The following FAM120B variants were observed in gnomAD, a reference collection of about 807,000 sequenced individuals.
FAM120B encodes constitutive coactivator of peroxisome proliferator-activated receptor gamma.
Under a neutral mutation model 96.3 loss-of-function variants are expected in FAM120B, and 83 were observed. The observed-to-expected ratio is 0.86, with a 90% CI of 0.72 to 1.03. The LOEUF is 1.03. Among genes scored for constraint, FAM120B ranks in the 50% least tolerant of loss-of-function variants. The pLI is 0.00. For missense variants in FAM120B, 1,027 were observed against 1,121.2 expected, an observed-to-expected ratio of 0.92 and a Z score of 1.20; for synonymous variants, 407 against 402.7, an observed-to-expected ratio of 1.01 and a Z score of -0.13.
Position 170,322,943 on chromosome 6 carries a change from T to G in FAM120B, c.1735-136T>G, listed in dbSNP as rs560109864. On this transcript the variant is annotated intron_variant, in intron 2 of 10. Coordinates refer to ENST00000476287, the MANE Select transcript of FAM120B (RefSeq NM_032448.3). ...GGAAAGAGAACATGGCAACTTGATG[T>G]CATGAATTTCAGGGTCAGTTACATT... 3.9e-5 allele frequency: 26 copies of G among 666,772 alleles called. No individual in the cohort carries two copies. In the Admixed American group the frequency reaches 6.6e-4, roughly 17 times the overall value. The allele number at this position is 666,772 out of a possible 1,614,324, so 41.3% of individuals were successfully genotyped here. A position where few individuals can be genotyped will look rare whatever the true frequency, so the allele number is the denominator to read the frequency against.
chr6:170,344,208 C>T (rs1787028465), intron 4 of FAM120B, among the ~76,000 whole-genome samples: 2 of 92,300 alleles, frequency 2.2e-5, no homozygotes, highest in African/African-American at 4.8e-5. Context: ...CCGTTGCCTG[C>T]GGTGCTAGCC....
At chr6:170,380,043 C>T (rs1789813013) in intron 6 of FAM120B, among the ~76,000 whole-genome samples, 1 of 152,196 alleles carries the variant, frequency 6.6e-6, no homozygotes, top group African/African-American at 2.4e-5. Flanking sequence ...GTTCTGCCGT[C>T]TGTTTATATG....
intron 3 of FAM120B, among the ~76,000 whole-genome samples, chr6:170,324,602 T>C (rs1415445813): frequency 1.3e-4 from 20 of 152,242 alleles, no homozygotes. Flanking sequence ...TTCATTAAAC[T>C]ATATAAATTT....
At chr6:170,403,903 G>T (rs1778706082) in intron 9 of FAM120B, among the ~76,000 whole-genome samples, 2 of 152,194 alleles carry the variant, frequency 1.3e-5, no homozygotes, top group Admixed American at 6.5e-5. Context: ...CACACTTTTG[G>T]GGGAGGGGAG....
In FAM120B at chr6:170,370,265, G is replaced by T. The variant is rs1562576064; in HGVS notation, c.2283+11947G>T. 6.6e-6 allele frequency among the ~76,000 whole-genome samples: 1 copy of T among 152,186 alleles called. No homozygotes were observed. The highest frequency in any genetic ancestry group is 1.5e-5 in the Non-Finnish European group (1 of 68,038). On this transcript the variant is annotated intron_variant, in intron 6 of 10. Coordinates refer to ENST00000476287, the MANE Select transcript of FAM120B (RefSeq NM_032448.3). The surrounding 1 kb of genome is among the most constrained non-coding windows in gnomAD (Gnocchi z 4.3). Reference sequence around the variant, plus strand: ...CTAAGTGGCACCTTAGGGGGCCCTTGCTGCCCAGACAGTCCATGCAGACCT... The same window carrying T: ...CTAAGTGGCACCTTAGGGGGCCCTTTCTGCCCAGACAGTCCATGCAGACCT...
intron 6 of FAM120B, among the ~76,000 whole-genome samples, chr6:170,371,282 A>G (rs1360985716): frequency 2.0e-5 from 3 of 152,026 alleles, no homozygotes; most frequent in African/African-American, 7.3e-5. Flanking sequence ...TTCACTGAGC[A>G]CTGTGTTTCC....
chr6:170,324,180 T>C (rs1785457429), intron 3 of FAM120B, among the ~76,000 whole-genome samples: 1 of 152,184 alleles, frequency 6.6e-6, no homozygotes. Context: ...AATCTAAAAG[T>C]GGTGATAGAA....
intron 1 of FAM120B, among the ~76,000 whole-genome samples, chr6:170,309,199 A>G (rs933093559): frequency 1.3e-5 from 2 of 152,236 alleles, no homozygotes; most frequent in Non-Finnish European, 2.9e-5. Context: ...GATAATGAGT[A>G]TAAATAATTG....
intron 6 of FAM120B, among the ~76,000 whole-genome samples, chr6:170,373,236 T>G (rs571509827): frequency 1.4e-3 from 210 of 152,340 alleles, no homozygotes; most frequent in African/African-American, 4.9e-3. Flanking sequence ...TGTCTTTTAT[T>G]CCAGAGCACC....
chr6:170,343,550 A>C (rs1786978015), intron 4 of FAM120B, among the ~76,000 whole-genome samples: 1 of 152,082 alleles, frequency 6.6e-6, no homozygotes, highest in Non-Finnish European at 1.5e-5. Flanking sequence ...GATTTTCTAT[A>C]ATCTATTATA....
intron 1 of FAM120B, among the ~76,000 whole-genome samples, 160 bp downstream of exon 1, chr6:170,307,002 C>G (rs1394582917): frequency 6.6e-6 from 1 of 152,184 alleles, no homozygotes; most frequent in African/African-American, 2.4e-5. Flanking sequence ...ACCGCGGCTG[C>G]GACATCATGG....
At chr6:170,311,235 G>A (rs1014722735) in intron 1 of FAM120B, among the ~76,000 whole-genome samples, 9 of 152,198 alleles carry the variant, frequency 5.9e-5, no homozygotes, top group Non-Finnish European at 1.0e-4. Context: ...GTGACATCTT[G>A]TTTCCCTTTG....
chr6:170,361,222 A>ATACACG (rs1554286438), intron 6 of FAM120B, among the ~76,000 whole-genome samples: 1 of 102,002 alleles, frequency 9.8e-6, no homozygotes, highest in African/African-American at 3.4e-5. Context: ...ATATATATAT[A>ATACACG]TATATATATA....
chr6:170,304,479 G>A (rs1052138033), upstream of FAM120B, among the ~76,000 whole-genome samples: 14 of 151,576 alleles, frequency 9.2e-5, no homozygotes, highest in Admixed American at 2.0e-4. Context: ...TTCTAGACCT[G>A]GGAAGATTTT....
chr6:170,293,573 T>C (rs576188419), upstream of FAM120B, among the ~76,000 whole-genome samples: 3 of 152,254 alleles, frequency 2.0e-5, no homozygotes, highest in Admixed American at 1.3e-4. Context: ...TTCATTCTTT[T>C]CCAACTTAAT....
intron 6 of FAM120B, among the ~76,000 whole-genome samples, chr6:170,373,224 C>CT (rs1414808563): frequency 6.6e-6 from 1 of 152,166 alleles, no homozygotes. Context: ...CTCAGCTTTC[C>CT]TTGTCTTTTA....
chr6:170,321,186 C>CATT (rs1785264145), intron 2 of FAM120B, among the ~76,000 whole-genome samples: 1 of 152,186 alleles, frequency 6.6e-6, no homozygotes, highest in Admixed American at 6.5e-5. Context: ...ATTGCCCTTA[C>CATT]ATTTTCTCTA....
intron 6 of FAM120B, among the ~76,000 whole-genome samples, chr6:170,361,176 T>A (rs2115195374): frequency 1.1e-5 from 1 of 95,072 alleles, no homozygotes; most frequent in Non-Finnish European, 2.0e-5. Context: ...AAATATAGCC[T>A]TAAAACTATA....
At chr6:170,374,600 C>T (rs552478018) in intron 6 of FAM120B, among the ~76,000 whole-genome samples, 1 of 152,202 alleles carries the variant, frequency 6.6e-6, no homozygotes, top group African/African-American at 2.4e-5. Context: ...CACACCCTGA[C>T]TTCTAAGAAT....
Sources: allele counts gnomAD v4.1 joint callset (sites outside exome capture counted in the v4.1 genomes callset), GRCh38; gene constraint gnomAD v4.1.1; non-coding constraint Gnocchi (gnomAD v3.1); transcripts MANE v1.5; gene names NCBI Gene and HGNC (gene_info 2026-07-23, HGNC 2026-07-21).